PTPRD: variants seen among roughly 807,000 people sequenced by gnomAD.
The protein encoded by PTPRD is protein tyrosine phosphatase receptor type D.
A neutral mutation model predicts 214.5 loss-of-function variants in PTPRD; 34 were observed. That is an observed-to-expected ratio of 0.16 (90% CI 0.12 to 0.21). PTPRD has a LOEUF of 0.21. PTPRD is among the 10% of genes least tolerant of loss of function. The probability of loss-of-function intolerance (pLI) is 1.00; values close to 1 mark genes in which losing one functional copy is unlikely to be tolerated. For missense variants in PTPRD, 2,545 were observed against 2,398.7 expected (o/e 1.06, Z -1.27); for synonymous variants, 1,128 against 845.7 (o/e 1.33, Z -5.79).
chr9:9,890,283 C>T (rs1298413086), intron 5 of PTPRD, among the ~76,000 whole-genome samples: 2 of 151,866 alleles, frequency 1.3e-5, no homozygotes, highest in African/African-American at 4.8e-5. Context: ...CTGTAGCCTC[C>T]ACTTCCTGGC....
At chr9:8,803,738 TA>T (rs955348096) in intron 11 of PTPRD, among the ~76,000 whole-genome samples, 211 of 135,490 alleles carry the variant, frequency 1.6e-3, no homozygotes, top group Admixed American at 2.1e-3. Flanking sequence ...TGTCTCAAAT[TA>T]AAAAAAAAAA....
chr9:9,177,664 C>T (rs951940722), intron 10 of PTPRD, among the ~76,000 whole-genome samples: 2 of 151,832 alleles, frequency 1.3e-5, no homozygotes, highest in African/African-American at 2.4e-5. Context: ...AAAAAAATTC[C>T]GGTAAGCAAA....
At chr9:10,182,503 A>T (rs1289996017) in intron 3 of PTPRD, among the ~76,000 whole-genome samples, 1 of 152,084 alleles carries the variant, frequency 6.6e-6, no homozygotes, top group East Asian at 1.9e-4. Flanking sequence ...CAACAGATGC[A>T]GAGCTCTTAC....
chr9:8,623,726 TAGAC>T (rs1265668914), intron 14 of PTPRD, among the ~76,000 whole-genome samples: 5 of 151,936 alleles, frequency 3.3e-5, no homozygotes, highest in South Asian at 2.1e-4. Context: ...CTCGACTTGA[TAGAC>T]AGATGCTGAA....
At chr9:8,568,037 G>C (rs1437962984) in intron 14 of PTPRD, among the ~76,000 whole-genome samples, 4 of 152,014 alleles carry the variant, frequency 2.6e-5, no homozygotes, top group African/African-American at 7.2e-5. Context: ...GATTCTCCTA[G>C]TATGTATCAG....
chr9:10,203,450 G>T (rs1395403682), intron 3 of PTPRD, among the ~76,000 whole-genome samples: 1 of 152,024 alleles, frequency 6.6e-6, no homozygotes, highest in Non-Finnish European at 1.5e-5. Context: ...AAGTATCATT[G>T]ATGAAAAGGC....
At chr9:8,832,486 G>T (rs1309196977) in intron 11 of PTPRD, among the ~76,000 whole-genome samples, 4 of 136,580 alleles carry the variant, frequency 2.9e-5, no homozygotes, top group African/African-American at 8.3e-5. Context: ...TGAATTACAA[G>T]TAAGAGAAAA....
At chr9:8,548,019 T>C (rs990438257) in intron 14 of PTPRD, among the ~76,000 whole-genome samples, 1 of 152,102 alleles carries the variant, frequency 6.6e-6, no homozygotes, top group Admixed American at 6.5e-5. Flanking sequence ...ACACAGAAAA[T>C]GTGTCAACTA....
At chr9:9,734,085 T>C (rs2098249398) in intron 7 of PTPRD, among the ~76,000 whole-genome samples, 1 of 152,190 alleles carries the variant, frequency 6.6e-6, no homozygotes, top group Non-Finnish European at 1.5e-5. Flanking sequence ...CTTTACAACA[T>C]GTAAATTATA....
intron 5 of PTPRD, among the ~76,000 whole-genome samples, chr9:9,876,822 C>T (rs909099727): frequency 4.6e-5 from 7 of 152,116 alleles, no homozygotes; most frequent in African/African-American, 1.7e-4. Context: ...GCATGCCATG[C>T]ATTAAGGATG....
At chr9:8,351,742 TAAAAAAAAAAAAAA>T (rs71317359) in intron 39 of PTPRD, among the ~76,000 whole-genome samples, 9,545 of 68,668 alleles carry the variant, frequency 0.14, 518 homozygotes, top group Middle Eastern at 0.3. Context: ...TGGCAAAGAG[TAAAAAAAAAAAAAA>T]AAAAAAAAAA....
intron 5 of PTPRD, among the ~76,000 whole-genome samples, chr9:9,889,628 G>A (rs146285840): frequency 5.3e-5 from 8 of 152,190 alleles, no homozygotes; most frequent in Middle Eastern, 3.4e-3. Context: ...ACAATACATT[G>A]CCTGTTCTGT....
intron 9 of PTPRD, among the ~76,000 whole-genome samples, chr9:9,266,073 G>C (rs571602782): frequency 1.3e-5 from 2 of 151,442 alleles, no homozygotes; most frequent in South Asian, 4.2e-4. Context: ...AAAAAGAAAG[G>C]GGTAGGGGTA....
intron 2 of PTPRD, among the ~76,000 whole-genome samples, chr9:10,418,803 T>C (rs908316029): frequency 6.6e-6 from 1 of 151,874 alleles, no homozygotes; most frequent in Non-Finnish European, 1.5e-5. Flanking sequence ...AGGTGAGTTA[T>C]TAACTGGACA....
intron 3 of PTPRD, among the ~76,000 whole-genome samples, chr9:10,082,502 G>T (rs1051040663): frequency 6.6e-6 from 1 of 151,904 alleles, no homozygotes; most frequent in African/African-American, 2.4e-5. Context: ...TCTATCAACT[G>T]GAAATTAGCA....
chr9:8,855,052 T>C (rs907938631), intron 11 of PTPRD, among the ~76,000 whole-genome samples: 1 of 152,026 alleles, frequency 6.6e-6, no homozygotes, highest in African/African-American at 2.4e-5. Flanking sequence ...CTTCAATCAT[T>C]GTCTATAACT....
intron 8 of PTPRD, among the ~76,000 whole-genome samples, chr9:9,423,612 G>A (rs565390357): frequency 4.6e-5 from 7 of 152,226 alleles, no homozygotes; most frequent in Admixed American, 2.6e-4. Context: ...TTCCAGATAC[G>A]CACTGAAAGT....
chr9:9,603,405 A>T (rs2093923191), intron 7 of PTPRD, among the ~76,000 whole-genome samples: 1 of 152,198 alleles, frequency 6.6e-6, no homozygotes, highest in African/African-American at 2.4e-5. Flanking sequence ...CAATGTAATT[A>T]GAAATAGCAA....
intron 3 of PTPRD, among the ~76,000 whole-genome samples, chr9:10,054,975 C>T (rs747961131): frequency 9.3e-5 from 14 of 150,532 alleles, no homozygotes; most frequent in African/African-American, 3.4e-4. Context: ...GGATTCGTGT[C>T]CATATTAAAA....
Sources: allele counts gnomAD v4.1 joint callset (sites outside exome capture counted in the v4.1 genomes callset), GRCh38; gene constraint gnomAD v4.1.1; transcripts MANE v1.5; gene names NCBI Gene and HGNC (gene_info 2026-07-23, HGNC 2026-07-21).